SMIM35: variants seen among roughly 807,000 people sequenced by gnomAD.
The protein encoded by SMIM35 is TMPRSS4 antisense RNA 1 (non-protein coding).
chr11:118,058,532 A>G (rs1026070033), intron 1 of SMIM35, among the ~76,000 whole-genome samples: 3 of 152,108 alleles, frequency 2.0e-5, no homozygotes, highest in Non-Finnish European at 4.4e-5. Flanking sequence ...CCACAGGGTG[A>G]GAGGCACGTG....
intron 1 of SMIM35, among the ~76,000 whole-genome samples, chr11:118,065,291 C>T (rs1944455192): frequency 6.6e-6 from 1 of 152,194 alleles, no homozygotes; most frequent in South Asian, 2.1e-4. Flanking sequence ...AAGAGGTAGC[C>T]TTGTCACGTC....
At chr11:118,061,724 G>A (rs1473540377) in intron 1 of SMIM35, among the ~76,000 whole-genome samples, 2 of 152,036 alleles carry the variant, frequency 1.3e-5, no homozygotes, top group South Asian at 2.1e-4. Context: ...TTGGATCTAC[G>A]GGGCCCATTT....
chr11:118,025,570 G>A (rs2058268093), intron 1 of SMIM35: 1 of 454,430 alleles, frequency 2.2e-6, no homozygotes, highest in Non-Finnish European at 4.4e-6. Flanking sequence ...TTTCGTGTTT[G>A]TTGGCCACTT....
At chr11:118,031,144 T>C (rs890616010) in intron 1 of SMIM35, among the ~76,000 whole-genome samples, 9 of 152,210 alleles carry the variant, frequency 5.9e-5, no homozygotes, top group African/African-American at 1.7e-4. Flanking sequence ...AGAATAAATT[T>C]CGTGGTGTTA....
At chr11:118,085,764 C>G (rs1349350292) in intron 1 of SMIM35, among the ~76,000 whole-genome samples, 1 of 152,122 alleles carries the variant, frequency 6.6e-6, no homozygotes, top group South Asian at 2.1e-4. Flanking sequence ...CTGGCCCTCT[C>G]GAGTCCCCTC....
chr11:118,029,649 T>C (rs1337521690), intron 1 of SMIM35: 2 of 457,332 alleles, frequency 4.4e-6, no homozygotes, highest in Admixed American at 4.7e-5. Context: ...CCCCAGCAGT[T>C]TCTTCTAGCA....
In SMIM35 at chr11:118,015,759, G is replaced by A; in HGVS notation, c.58C>T (p.Leu20=). The A allele has an allele frequency of 2.5e-6, 1 of 399,626 alleles. No homozygotes were observed. The highest frequency in any genetic ancestry group is 4.4e-6 in the Non-Finnish European group (1 of 226,536). The allele number at this position is 399,626 out of a possible 1,614,324, so 24.8% of individuals were successfully genotyped here. ...TAGCCGAGGATGGACACGAGCAGCA[G>A]CAAGAGCCCCACGCCAAGGATCAGG... The part of the protein sequence containing the change: ...LGLILGVGLL[L]LLVSILGYSL... The change falls in exon 2 of 5, where the codon CTG becomes TTG. Residue 20 remains leucine (L), a synonymous_variant. Transcript: ENST00000689828.
intron 1 of SMIM35, among the ~76,000 whole-genome samples, chr11:118,063,984 A>G (rs1262598291): frequency 6.6e-6 from 1 of 152,208 alleles, no homozygotes; most frequent in Non-Finnish European, 1.5e-5. Context: ...ATGAAGAACA[A>G]TTGGCTAGAA....
chr11:118,072,105 T>C (rs1452670043), intron 1 of SMIM35, among the ~76,000 whole-genome samples: 1 of 152,204 alleles, frequency 6.6e-6, no homozygotes, highest in African/African-American at 2.4e-5. Context: ...AAATACTTGC[T>C]GGCTGGCTGG....
chr11:118,067,593 G>A (rs1455654387), intron 1 of SMIM35: 1 of 151,934 alleles, frequency 6.6e-6, no homozygotes, highest in Non-Finnish European at 1.5e-5. Context: ...CAGCACTTTG[G>A]GAGACCAAGG....
intron 1 of SMIM35, among the ~76,000 whole-genome samples, chr11:118,070,918 A>G (rs1246639707): frequency 1.3e-5 from 2 of 152,170 alleles, no homozygotes; most frequent in Non-Finnish European, 2.9e-5. Flanking sequence ...CAAAAGGCCT[A>G]GGCATCCTGG....
intron 1 of SMIM35, among the ~76,000 whole-genome samples, chr11:118,054,469 G>A (rs1038569403): frequency 2.4e-4 from 37 of 152,238 alleles, no homozygotes; most frequent in African/African-American, 8.9e-4. Context: ...AGAGACTTTG[G>A]TTGCTCATGC....
At chr11:118,066,359 G>A (rs892324949) in intron 1 of SMIM35, among the ~76,000 whole-genome samples, 1 of 152,032 alleles carries the variant, frequency 6.6e-6, no homozygotes, top group African/African-American at 2.4e-5. Context: ...CTGGACCGCT[G>A]CATGAGTTCC....
chr11:118,075,007 C>T (rs1472500948), intron 1 of SMIM35, among the ~76,000 whole-genome samples: 2 of 152,220 alleles, frequency 1.3e-5, no homozygotes, highest in Non-Finnish European at 2.9e-5. Flanking sequence ...TGCCCAGCAG[C>T]CTTCATGCCC....
chr11:118,068,220 A>G (rs1679478107), intron 1 of SMIM35, among the ~76,000 whole-genome samples: 1 of 152,014 alleles, frequency 6.6e-6, no homozygotes, highest in African/African-American at 2.4e-5. Context: ...CAGCGCACAC[A>G]GCCTCCTCTC....
chr11:118,071,518 A>T (rs1364909686), intron 1 of SMIM35, among the ~76,000 whole-genome samples: 2 of 152,206 alleles, frequency 1.3e-5, no homozygotes, highest in Non-Finnish European at 2.9e-5. Context: ...TCCACGCTGC[A>T]TTCCAGAGCT....
intron 1 of SMIM35, among the ~76,000 whole-genome samples, chr11:118,027,118 C>T (rs1271437984): frequency 7.3e-6 from 1 of 137,702 alleles, no homozygotes; most frequent in Non-Finnish European, 1.5e-5. Flanking sequence ...AGCTCCGCTT[C>T]CCGGGTTCAC....
chr11:118,069,617 C>T (rs654572), intron 1 of SMIM35, among the ~76,000 whole-genome samples: 113,721 of 152,062 alleles, frequency 0.75, 42,731 homozygotes, highest in Admixed American at 0.8. Context: ...ATGGCTTCAG[C>T]GTGTGTCCCC....
intron 1 of SMIM35, among the ~76,000 whole-genome samples, chr11:118,016,320 G>GC (rs1340710142): frequency 6.6e-6 from 1 of 152,202 alleles, no homozygotes; most frequent in African/African-American, 2.4e-5. Flanking sequence ...TGAGCTCTTA[G>GC]CTAAATTTAT....
Sources: allele counts gnomAD v4.1 joint callset (sites outside exome capture counted in the v4.1 genomes callset), GRCh38; gene constraint gnomAD v4.1.1; transcripts MANE v1.5; gene names NCBI Gene and HGNC (gene_info 2026-07-23, HGNC 2026-07-21).